GRHL2: variants seen among roughly 807,000 people sequenced by gnomAD.
The protein encoded by GRHL2 is grainyhead like transcription factor 2.
A neutral mutation model predicts 83.8 loss-of-function variants in GRHL2; 21 were observed. The observed-to-expected ratio is 0.25, with a 90% CI of 0.18 to 0.36. The LOEUF (loss-of-function observed/expected upper bound fraction) is 0.36. Ranked by LOEUF, GRHL2 falls within the 10% of genes least tolerant of loss-of-function variation. The probability of loss-of-function intolerance (pLI) is 1.00; values close to 1 mark genes in which losing one functional copy is unlikely to be tolerated. For missense variants in GRHL2, 623 were observed against 781.8 expected (o/e 0.80, Z 2.42); for synonymous variants, 280 against 278.9 (o/e 1.00, Z -0.04).
chr8:101,643,369 CAAAAAAAAAA>C lies in GRHL2; in HGVS notation c.1518-744_1518-735del, dbSNP rs56301334. 1.6e-3 allele frequency among the ~76,000 whole-genome samples: 158 copies of C among 96,958 alleles called. 4 individuals are homozygous for C. Among genetic ancestry groups the C allele is most frequent in the African/African-American group, 4.1e-3 (112 of 27,622 alleles). The allele number at this position is 96,958 out of a possible 152,430, so 63.6% of individuals were successfully genotyped here. A position where few individuals can be genotyped will look rare whatever the true frequency, so the allele number is the denominator to read the frequency against. On this transcript the variant is annotated intron_variant, in intron 12 of 15. Coordinates refer to ENST00000646743, the MANE Select transcript of GRHL2 (RefSeq NM_024915.4). Reference sequence around the variant, plus strand: ...CTATCCTCTTAGTTTCTGTTTCTCTCAAAAAAAAAAAAAAAAAAAAAAAAAAATCCTCCCC... The same window carrying C: ...CTATCCTCTTAGTTTCTGTTTCTCTCAAAAAAAAAAAAAAAAATCCTCCCC...
chr8:101,676,677 G>A, the GRHL2 span, among the ~76,000 whole-genome samples: 11 of 152,252 alleles, frequency 7.2e-5, no homozygotes, highest in South Asian at 2.1e-3. Flanking sequence ...TCTAGAACTA[G>A]AAATACCATT....
At chr8:101,665,357 C>T (rs1351628621) in intron 15 of GRHL2, among the ~76,000 whole-genome samples, 2 of 152,144 alleles carry the variant, frequency 1.3e-5, no homozygotes, top group African/African-American at 4.8e-5. Flanking sequence ...CTACAAAAGG[C>T]AGAAGATGAG....
chr8:101,630,382 A>G (rs1813162061), intron 9 of GRHL2, among the ~76,000 whole-genome samples: 2 of 152,138 alleles, frequency 1.3e-5, no homozygotes, highest in South Asian at 2.1e-4. Context: ...CCATTTTTCT[A>G]TCAGTATGTT....
At chr8:101,573,569 T>C (rs1364292836) in intron 5 of GRHL2, 99 bp from the exon 6 acceptor site, 3 of 1,415,358 alleles carry the variant, frequency 2.1e-6, no homozygotes, top group East Asian at 2.3e-5. Context: ...ACAGTAAACA[T>C]TGGTTAATGT....
intron 8 of GRHL2, among the ~76,000 whole-genome samples, chr8:101,609,611 G>T (rs762559646): frequency 6.6e-6 from 1 of 151,034 alleles, no homozygotes; most frequent in Non-Finnish European, 1.5e-5. Context: ...ACAACCTAAT[G>T]TTGAAGAAAT....
intron 9 of GRHL2, among the ~76,000 whole-genome samples, chr8:101,623,791 G>T (rs1430183832): frequency 6.0e-5 from 9 of 150,990 alleles, no homozygotes; most frequent in African/African-American, 2.2e-4. Flanking sequence ...TACACAGTAT[G>T]ACAGTACACA....
At chr8:101,610,816 C>A (rs1170847497) in intron 8 of GRHL2, among the ~76,000 whole-genome samples, 1 of 150,794 alleles carries the variant, frequency 6.6e-6, no homozygotes, top group East Asian at 1.9e-4. Flanking sequence ...TGACTTCTCA[C>A]CACTTGAAAG....
chr8:101,611,249 GAGTT>G (rs1266245201), intron 8 of GRHL2, among the ~76,000 whole-genome samples: 1 of 151,064 alleles, frequency 6.6e-6, no homozygotes, highest in East Asian at 1.9e-4. Context: ...AACAAAAATG[GAGTT>G]AGTTATGTTA....
chr8:101,595,636 T>A (rs896302061), intron 7 of GRHL2, among the ~76,000 whole-genome samples: 4 of 152,222 alleles, frequency 2.6e-5, no homozygotes, highest in African/African-American at 9.6e-5. Context: ...ATATTTAAAA[T>A]CATCCCAAGT....
chr8:101,666,047 T>C (rs1384876812), intron 15 of GRHL2, among the ~76,000 whole-genome samples: 1 of 152,236 alleles, frequency 6.6e-6, no homozygotes, highest in Non-Finnish European at 1.5e-5. Flanking sequence ...AATTTAACCT[T>C]GTTGAGGTCA....
Position 101,668,575 on chromosome 8 carries a change from C to T in GRHL2, c.*1872C>T, listed in dbSNP as rs1814131688. 3 of 152,966 alleles carry T rather than the reference C, an allele frequency of 2.0e-5. No individual in the cohort carries two copies. In the South Asian group the frequency reaches 6.2e-4, roughly 32 times the overall value. The allele number at this position is 152,966 out of a possible 1,614,324, so 9.5% of individuals were successfully genotyped here. A position where few individuals can be genotyped will look rare whatever the true frequency, so the allele number is the denominator to read the frequency against. On this transcript the variant is annotated 3_prime_UTR_variant, in exon 16 of 16. Coordinates refer to ENST00000646743, the MANE Select transcript of GRHL2 (RefSeq NM_024915.4). The stretch of plus-strand genomic sequence containing the variant: ...GGGGCCAAAGGTTTGCATCGTGGAT[C>T]CAGCTGTGCTCCAGTCTGTCCCCTC...
intron 1 of GRHL2, among the ~76,000 whole-genome samples, chr8:101,527,237 A>C (rs183197830): frequency 1.2e-3 from 181 of 152,312 alleles, no homozygotes; most frequent in African/African-American, 4.1e-3. Flanking sequence ...TATCCTAGTA[A>C]TTGTTACCCT....
intron 14 of GRHL2, among the ~76,000 whole-genome samples, chr8:101,656,939 G>A (rs11778728): frequency 0.99 from 150,836 of 152,042 alleles, 74,864 homozygotes; most frequent in Middle Eastern, 1. Context: ...AGGTGGAGAG[G>A]CAGACTGTGT....
chr8:101,659,229 A>G (rs1420125031), intron 14 of GRHL2, among the ~76,000 whole-genome samples: 2 of 152,246 alleles, frequency 1.3e-5, no homozygotes, highest in African/African-American at 4.8e-5. Context: ...GGATTCTAAT[A>G]TGACATGAAA....
chr8:101,543,221 C>G lies in GRHL2; in HGVS notation c.21-20C>G. The G allele has an allele frequency of 6.2e-7, 1 of 1,604,870 alleles. No homozygotes were observed. The stretch of plus-strand genomic sequence containing the variant: ...TTGCTCTCTCTGAAAATGAACCTCA[C>G]ATTTCTCTTGTTTTTACAGTAATAA... On this transcript the variant is annotated intron_variant, in intron 1 of 15. Coordinates refer to ENST00000646743, the MANE Select transcript of GRHL2 (RefSeq NM_024915.4).
intron 8 of GRHL2, among the ~76,000 whole-genome samples, chr8:101,616,056 C>T (rs150200495): frequency 1.9e-4 from 28 of 145,858 alleles, no homozygotes; most frequent in African/African-American, 6.3e-4. Context: ...TCTTTCTCCC[C>T]TCCCCTCCCC....
At chr8:101,519,925 C>T (rs1810649150) in intron 1 of GRHL2, among the ~76,000 whole-genome samples, 1 of 152,104 alleles carries the variant, frequency 6.6e-6, no homozygotes, top group African/African-American at 2.4e-5. Flanking sequence ...TATTGAAAAA[C>T]AAATAATTAG....
chr8:101,631,526 G>A, intron 9 of GRHL2, 111 bp from the exon 10 acceptor site: 1 of 891,432 alleles, frequency 1.1e-6, no homozygotes, highest in South Asian at 1.4e-5. Flanking sequence ...GGGCTGCTTG[G>A]TTACCTCCTC....
intron 7 of GRHL2, among the ~76,000 whole-genome samples, chr8:101,590,938 T>C (rs927142100): frequency 3.9e-5 from 6 of 152,092 alleles, no homozygotes; most frequent in African/African-American, 1.4e-4. Flanking sequence ...TCTCCAAAAA[T>C]ATATACAAAA....
Sources: gnomAD v4.1 joint callset for allele counts (sites outside exome capture counted in the v4.1 genomes callset) on GRCh38, gnomAD v4.1.1 for gene constraint, MANE v1.5 for transcripts, NCBI Gene and HGNC (gene_info 2026-07-23, HGNC 2026-07-21) for gene names.